Variants in PCDH15 observed in about 807,000 individuals in gnomAD.
PCDH15 encodes the protein protocadherin related 15.
A neutral mutation model predicts 178.5 loss-of-function variants in PCDH15; 129 were observed. The observed-to-expected ratio is 0.72, with a 90% confidence interval of 0.63 to 0.84. PCDH15 has a LOEUF of 0.84. Among genes scored for constraint, PCDH15 ranks in the 40% least tolerant of loss-of-function variants. The pLI is 0.00. For missense variants in PCDH15, 2,230 were observed against 2,099.9 expected (o/e 1.06, Z -1.21); for synonymous variants, 800 against 732.0 (o/e 1.09, Z -1.50).
intron 2 of PCDH15, among the ~76,000 whole-genome samples, chr10:55,130,032 G>T (rs1046364458): frequency 6.6e-5 from 10 of 152,102 alleles, no homozygotes; most frequent in African/African-American, 2.4e-4. Context: ...AAAACAATTT[G>T]CCATCTTTTT....
chr10:54,895,555 G>A (rs1954531142), intron 3 of PCDH15, among the ~76,000 whole-genome samples: 1 of 152,108 alleles, frequency 6.6e-6, no homozygotes, highest in Non-Finnish European at 1.5e-5. Flanking sequence ...TTGCACTGTT[G>A]TCTCATTTGT....
At chr10:54,600,085 T>C (rs754675257) in intron 2 of PCDH15, 3 of 1,071,002 alleles carry the variant, frequency 2.8e-6, no homozygotes, top group Non-Finnish European at 2.8e-6. Context: ...TCCCAAGGAA[T>C]AGAAGGTAGA....
At chr10:54,421,889 CACACACTATATATATATA>C (rs1955507596) in intron 3 of PCDH15, among the ~76,000 whole-genome samples, 2 of 108,142 alleles carry the variant, frequency 1.8e-5, no homozygotes, top group Non-Finnish European at 1.9e-5. Context: ...TATATACACA[CACACACTATATATATATA>C]TACACTATAT....
rs1277257526 is a variant in PCDH15 at position 54,153,113 on chromosome 10, G to C, written c.1771C>G (p.Pro591Ala). 2 of 1,613,660 alleles carry C rather than the reference G, an allele frequency of 1.2e-6. No individual in the cohort carries two copies. Among genetic ancestry groups the C allele is most frequent in the African/African-American group, 2.7e-5 (2 of 74,898 alleles). Residue 591 changes from proline (P) to alanine (A), a missense_variant, in exon 14 of 38, where the codon CCT becomes GCT. Coordinates refer to ENST00000644397, the MANE Select transcript of PCDH15 (RefSeq NM_001384140.1). ...LTVQAADNAP[P>A]AERRNSICTV... ...AATATAAATTACCTTCGCTCTGCAG[G>C]AGGAGCATTATCCGCTGCTTGGACC...
At chr10:55,378,793 C>A (rs548221900) in intron 2 of PCDH15, among the ~76,000 whole-genome samples, 1 of 151,674 alleles carries the variant, frequency 6.6e-6, no homozygotes, top group Admixed American at 6.6e-5. Context: ...TTATATAAAT[C>A]CATCCCCTCT....
intron 8 of PCDH15, among the ~76,000 whole-genome samples, chr10:54,264,443 T>C (rs1476006492): frequency 2.0e-5 from 3 of 152,000 alleles, no homozygotes; most frequent in African/African-American, 4.8e-5. Context: ...ATGAGAGACA[T>C]AGAACTCAGA....
intron 1 of PCDH15, among the ~76,000 whole-genome samples, chr10:55,234,354 T>C (rs1841313848): frequency 6.6e-6 from 1 of 152,082 alleles, no homozygotes; most frequent in South Asian, 2.1e-4. Context: ...AATTAAATAT[T>C]CATTTTTAAT....
chr10:54,396,818 T>G (rs1313277345), intron 3 of PCDH15, among the ~76,000 whole-genome samples: 2 of 152,098 alleles, frequency 1.3e-5, no homozygotes, highest in Non-Finnish European at 2.9e-5. Flanking sequence ...AAACTATGAT[T>G]TCAAAACAGA....
chr10:55,341,471 ATAAT>A (rs540213555), intron 2 of PCDH15, among the ~76,000 whole-genome samples: 134 of 151,962 alleles, frequency 8.8e-4, no homozygotes, highest in Non-Finnish European at 1.5e-3. Flanking sequence ...AATTTAATCA[ATAAT>A]TATTCTAAAT....
chr10:55,083,901 A>G (rs997619300), intron 2 of PCDH15, among the ~76,000 whole-genome samples: 1 of 151,828 alleles, frequency 6.6e-6, no homozygotes, highest in Non-Finnish European at 1.5e-5. Context: ...AAACTATAAA[A>G]CATTGACACA....
At chr10:55,049,837 T>C (rs976393239) in intron 2 of PCDH15, among the ~76,000 whole-genome samples, 4 of 152,082 alleles carry the variant, frequency 2.6e-5, no homozygotes, top group Admixed American at 6.6e-5. Context: ...CTATTTTGCA[T>C]CCAGCAGAAG....
chr10:54,742,860 A>G (rs1944986780), intron 1 of PCDH15, among the ~76,000 whole-genome samples: 1 of 152,084 alleles, frequency 6.6e-6, no homozygotes, highest in South Asian at 2.1e-4. Flanking sequence ...ATGGAAATTT[A>G]TGGACTTAAG....
chr10:54,999,646 C>T (rs180880148), intron 2 of PCDH15, among the ~76,000 whole-genome samples: 1 of 152,288 alleles, frequency 6.6e-6, no homozygotes, highest in Non-Finnish European at 1.5e-5. Context: ...CAGGTGAGAG[C>T]TCTGCCCCCT....
chr10:54,062,525 A>T (rs151145370), intron 18 of PCDH15, among the ~76,000 whole-genome samples: 28 of 152,208 alleles, frequency 1.8e-4, no homozygotes, highest in African/African-American at 6.3e-4. Flanking sequence ...CCATCCTATA[A>T]ACATTACACT....
intron 1 of PCDH15, among the ~76,000 whole-genome samples, chr10:54,719,682 G>A (rs1418605595): frequency 2.0e-5 from 3 of 151,846 alleles, no homozygotes; most frequent in Admixed American, 6.6e-5. Flanking sequence ...CACCTCAGCC[G>A]CCACCCCCCG....
intron 9 of PCDH15, among the ~76,000 whole-genome samples, chr10:54,236,301 T>C (rs935337668): frequency 6.6e-6 from 1 of 152,126 alleles, no homozygotes; most frequent in African/African-American, 2.4e-5. Context: ...ATTAGGATGG[T>C]TTCTGTGGAA....
chr10:53,891,614 G>A (rs1261113521), intron 26 of PCDH15, among the ~76,000 whole-genome samples: 1 of 151,936 alleles, frequency 6.6e-6, no homozygotes, highest in Non-Finnish European at 1.5e-5. Context: ...CATGTCCAAT[G>A]GCTCTTCAAA....
chr10:53,934,397 A>G (rs1465207662), intron 25 of PCDH15, among the ~76,000 whole-genome samples: 1 of 152,086 alleles, frequency 6.6e-6, no homozygotes. Context: ...ATTCTACCAT[A>G]CATCTTACTC....
intron 1 of PCDH15, among the ~76,000 whole-genome samples, chr10:54,727,966 C>T (rs1942808450): frequency 6.6e-6 from 1 of 151,386 alleles, no homozygotes; most frequent in African/African-American, 2.4e-5. Context: ...AGAATAAGCC[C>T]TATACCAGAT....
Sources: allele counts gnomAD v4.1 joint callset (sites outside exome capture counted in the v4.1 genomes callset), GRCh38; gene constraint gnomAD v4.1.1; transcripts MANE v1.5; gene names NCBI Gene and HGNC (gene_info 2026-07-23, HGNC 2026-07-21).